Variants in PTPRO observed in about 807,000 individuals in gnomAD.
PTPRO encodes the protein receptor-type tyrosine-protein phosphatase O.
A neutral mutation model predicts 145.2 loss-of-function variants in PTPRO; 62 were observed. The observed-to-expected ratio is 0.43, with a 90% CI of 0.35 to 0.53. The LOEUF is 0.53. PTPRO is among the 20% of genes least tolerant of loss of function. The pLI, the probability that PTPRO is intolerant of heterozygous loss-of-function variation, is 0.01. For missense variants in PTPRO, 1,345 were observed against 1,482.7 expected (o/e 0.91, Z 1.53); for synonymous variants, 565 against 514.7 (o/e 1.10, Z -1.32).
chr12:15,347,617 CAGAT>C (rs1287331034), intron 1 of PTPRO, among the ~76,000 whole-genome samples: 2 of 152,172 alleles, frequency 1.3e-5, no homozygotes, highest in Admixed American at 6.5e-5. Context: ...TACAGACACT[CAGAT>C]AGTTTTAGAA....
chr12:15,563,975 C>T (rs1015302538), intron 17 of PTPRO, among the ~76,000 whole-genome samples: 2 of 152,148 alleles, frequency 1.3e-5, no homozygotes, highest in African/African-American at 4.8e-5. Flanking sequence ...ACTAAATTAC[C>T]ATCACGGGGC....
intron 15 of PTPRO, among the ~76,000 whole-genome samples, chr12:15,553,145 G>A (rs1279909748): frequency 3.9e-5 from 6 of 151,908 alleles, no homozygotes; most frequent in Non-Finnish European, 8.8e-5. Context: ...AATTTGTGTA[G>A]GTCACTGAAA....
chr12:15,512,184 G>A (rs966899307), intron 7 of PTPRO, among the ~76,000 whole-genome samples: 1 of 151,860 alleles, frequency 6.6e-6, no homozygotes, highest in Non-Finnish European at 1.5e-5. Context: ...GCGTAATCTC[G>A]GCTCACTGCA....
intron 1 of PTPRO, among the ~76,000 whole-genome samples, chr12:15,416,552 C>T (rs1248855545): frequency 1.3e-5 from 2 of 151,392 alleles, no homozygotes; most frequent in East Asian, 1.9e-4. Flanking sequence ...ATCTCCTGAC[C>T]TCATGATCTG....
chr12:15,343,221 AAT>A (rs1335648511), intron 1 of PTPRO, among the ~76,000 whole-genome samples: 2 of 152,028 alleles, frequency 1.3e-5, no homozygotes, highest in African/African-American at 2.4e-5. Flanking sequence ...TGAATATGAA[AAT>A]AGATACAAGG....
At chr12:15,589,029 A>G (rs1178244820) in intron 24 of PTPRO, among the ~76,000 whole-genome samples, 1 of 152,232 alleles carries the variant, frequency 6.6e-6, no homozygotes, top group African/African-American at 2.4e-5. Context: ...TTTTTCCACA[A>G]GGGTACTATT....
chr12:15,577,344 T>A (rs1944209120), intron 19 of PTPRO, among the ~76,000 whole-genome samples: 1 of 152,204 alleles, frequency 6.6e-6, no homozygotes, highest in Non-Finnish European at 1.5e-5. Flanking sequence ...GCAAGGTAAT[T>A]TGCCACCAAG....
rs571741830 is a variant in PTPRO at position 15,591,283 on chromosome 12, G to A, written c.3546+1693G>A. On this transcript the variant is annotated intron_variant, in intron 25 of 26. Coordinates refer to ENST00000281171, the MANE Select transcript of PTPRO (RefSeq NM_030667.3). ...CTACTCGGGAGGCTGAGGCAAGAGAGTTGCTTGAACCCAGGAGACGGAGGT... is the reference window on the plus strand; with the variant it reads ...CTACTCGGGAGGCTGAGGCAAGAGAATTGCTTGAACCCAGGAGACGGAGGT... Among the ~76,000 whole-genome samples the A allele has an allele frequency of 6.5e-4, 99 of 151,564 alleles. No homozygotes were observed. The Middle Eastern group carries it at 0.021, about 31-fold the overall frequency.
At chr12:15,440,052 C>T (rs1940717491) in intron 1 of PTPRO, 1 of 644,818 alleles carries the variant, frequency 1.6e-6, no homozygotes, top group Non-Finnish European at 2.8e-6. Context: ...ATCTGCAAGC[C>T]CCACACTGTC....
intron 1 of PTPRO, among the ~76,000 whole-genome samples, chr12:15,376,932 A>C (rs930137757): frequency 2.0e-5 from 3 of 152,192 alleles, no homozygotes; most frequent in Admixed American, 1.3e-4. Context: ...AAAAAGTTTA[A>C]CTGTAATTTT....
intron 13 of PTPRO, among the ~76,000 whole-genome samples, chr12:15,547,438 A>G (rs1943324160): frequency 1.3e-5 from 2 of 152,252 alleles, no homozygotes; most frequent in Non-Finnish European, 2.9e-5. Context: ...TTTACATAAT[A>G]TAGTGTGTAG....
At chr12:15,514,888 G>C (rs1212645132) in intron 7 of PTPRO, among the ~76,000 whole-genome samples, 1 of 151,954 alleles carries the variant, frequency 6.6e-6, no homozygotes, top group Admixed American at 6.5e-5. Flanking sequence ...TCAGCCTCCT[G>C]AGTAGCTGAG....
intron 1 of PTPRO, among the ~76,000 whole-genome samples, chr12:15,379,375 A>T (rs1443176087): frequency 1.3e-5 from 2 of 151,238 alleles, no homozygotes; most frequent in Non-Finnish European, 3.0e-5. Flanking sequence ...CAAAAAAAAA[A>T]AAAAAATTAC....
At chr12:15,401,559 T>C (rs1000494599) in intron 1 of PTPRO, among the ~76,000 whole-genome samples, 2 of 152,228 alleles carry the variant, frequency 1.3e-5, no homozygotes, top group African/African-American at 4.8e-5. Flanking sequence ...AGTCTACTGA[T>C]AGTTTGATTA....
chr12:15,539,399 C>T (rs1203117419), intron 12 of PTPRO, among the ~76,000 whole-genome samples: 4 of 152,074 alleles, frequency 2.6e-5, no homozygotes, highest in South Asian at 2.1e-4. Context: ...ACTTAAGGTA[C>T]TAAAACTATC....
In PTPRO at chr12:15,501,903, C is replaced by A; in HGVS notation, c.945C>A (p.Ser315Arg). The A allele has an allele frequency of 1.2e-6, 2 of 1,614,014 alleles. No homozygotes were observed. Among genetic ancestry groups the A allele is most frequent in the East Asian group, 2.2e-5 (1 of 44,846 alleles). The change falls in exon 5 of 27, where the codon AGC becomes AGA. Residue 315 changes from serine (S) to arginine (R), a missense_variant. Ser to Arg is a moderately radical substitution (Grantham distance 110). Around this residue, in one of 3 missense-constraint regions of PTPRO, gnomAD observed 1,130 missense variants for 1,214.7 expected, o/e 0.93. Coordinates refer to ENST00000281171, the MANE Select transcript of PTPRO (RefSeq NM_030667.3). ...AAPESEDEFVSVLPMEYENNS... is the reference protein window; with the variant it reads ...AAPESEDEFVRVLPMEYENNS... Reference sequence around the variant, plus strand: ...CTGAAAGTGAAGATGAATTTGTCAGCGTACTTCCCATGGAATACGAAAATA... The same window carrying A: ...CTGAAAGTGAAGATGAATTTGTCAGAGTACTTCCCATGGAATACGAAAATA...
chr12:15,471,544 T>C (rs1190164592), intron 1 of PTPRO, among the ~76,000 whole-genome samples: 1 of 152,198 alleles, frequency 6.6e-6, no homozygotes, highest in African/African-American at 2.4e-5. Flanking sequence ...CCATATGATC[T>C]TCAGGAAAGT....
At chr12:15,389,380 T>G (rs545639479) in intron 1 of PTPRO, among the ~76,000 whole-genome samples, 3 of 152,188 alleles carry the variant, frequency 2.0e-5, no homozygotes, top group African/African-American at 7.2e-5. Flanking sequence ...ATGCTGGGAT[T>G]ACAGGCGAGA....
rs1858626043 is a variant in PTPRO, at chr12:15,598,001, C to T, written c.*1928C>T. Reference sequence around the variant, plus strand: ...TTCCAACACTGCTGCTCAGAGCATACAGAAGTTTTGCATCCTGGAACATTG... The same window carrying T: ...TTCCAACACTGCTGCTCAGAGCATATAGAAGTTTTGCATCCTGGAACATTG... On this transcript the variant is annotated 3_prime_UTR_variant, in exon 27 of 27. Coordinates refer to ENST00000281171, the MANE Select transcript of PTPRO (RefSeq NM_030667.3). Among the ~76,000 whole-genome samples the T allele has an allele frequency of 6.6e-6, 1 of 152,154 alleles. No individual in the cohort carries two copies. Among genetic ancestry groups the T allele is most frequent in the African/African-American group, 2.4e-5 (1 of 41,436 alleles).
Sources: gnomAD v4.1 joint callset for allele counts (sites outside exome capture counted in the v4.1 genomes callset) on GRCh38, gnomAD v4.1.1 for gene constraint, gnomAD v4.1.1 regional missense constraint, MANE v1.5 for transcripts, NCBI Gene and HGNC (gene_info 2026-07-23, HGNC 2026-07-21) for gene names.